The following ANAPC5 variants were observed in gnomAD, a reference collection of about 807,000 sequenced individuals.
ANAPC5 encodes anaphase promoting complex subunit 5.
ANAPC5 carries 60 observed loss-of-function variants against 91.3 expected under a neutral mutation model. That is an observed-to-expected ratio of 0.66 (90% CI 0.53 to 0.81). ANAPC5 has a LOEUF of 0.81. Ranked by LOEUF, ANAPC5 falls within the 40% of genes least tolerant of loss-of-function variation. The pLI, the probability that ANAPC5 is intolerant of heterozygous loss-of-function variation, is 0.00. For missense variants in ANAPC5, 690 were observed against 931.5 expected, an observed-to-expected ratio of 0.74 and a Z score of 3.37; for synonymous variants, 340 against 364.1, an observed-to-expected ratio of 0.93 and a Z score of 0.75.
chr12:121,324,235 C>A (rs891723329), intron 11 of ANAPC5, among the ~76,000 whole-genome samples: 1 of 152,084 alleles, frequency 6.6e-6, no homozygotes, highest in Non-Finnish European at 1.5e-5. Context: ...AAGTATGAGT[C>A]TAACTTGTCT....
Position 121,347,874 on chromosome 12 carries a change from T to A in ANAPC5, c.215A>T (p.Asp72Val). The change falls in exon 2 of 17, where the codon GAT becomes GTT. Residue 72 changes from aspartate to valine, a missense_variant. By Grantham distance (152) the Asp-to-Val change is radical (BLOSUM62 -3). This residue lies in a region of ANAPC5 where 238 missense variants were observed against 264.9 expected (regional missense o/e 0.90). Transcript: ENST00000261819. Reference protein sequence around the residue: ...QLLLPLLQGPDITLSKLYKLI... With the variant: ...QLLLPLLQGPVITLSKLYKLI... ...CTTGTAAAGTTTTGACAGTGTAATA[T>A]CTGGGCCCTGTGTAAAGGAGAGATA... 2 of 1,612,312 alleles carry A rather than the reference T, an allele frequency of 1.2e-6. No homozygotes were observed. Among genetic ancestry groups the A allele is most frequent in the South Asian group, 2.2e-5 (2 of 91,032 alleles).
chr12:121,344,485 G>A (rs1479036077), intron 4 of ANAPC5, among the ~76,000 whole-genome samples: 1 of 151,712 alleles, frequency 6.6e-6, no homozygotes, highest in Non-Finnish European at 1.5e-5. Context: ...TTGGGAGGTG[G>A]AGGCAGGAGA....
intron 15 of ANAPC5, among the ~76,000 whole-genome samples, chr12:121,311,922 G>C (rs192310752): frequency 6.6e-6 from 1 of 152,136 alleles, no homozygotes; most frequent in Non-Finnish European, 1.5e-5. Context: ...TTAGACAGAA[G>C]ATCAGCAAGG....
intron 14 of ANAPC5, 36 bp downstream of exon 14, chr12:121,318,465 A>G: frequency 6.2e-7 from 1 of 1,611,714 alleles, no homozygotes; most frequent in Non-Finnish European, 8.5e-7. Context: ...AAGATCCACC[A>G]CCACATCTCC....
Position 121,335,715 on chromosome 12 carries a change from G to C in ANAPC5, c.768C>G (p.Leu256=). Residue 256 remains leucine (L), a synonymous_variant, in exon 7 of 17, where the codon CTC becomes CTG. Coordinates refer to ENST00000261819, the MANE Select transcript of ANAPC5 (RefSeq NM_016237.5). Reference sequence around the variant, plus strand: ...GGACACGGAGGTTGTTTAAGTAGCTGAGATAATGCTAAAACAAGAAATAAT... The same window carrying C: ...GGACACGGAGGTTGTTTAAGTAGCTCAGATAATGCTAAAACAAGAAATAAT... ...FNPDFAEAHY[L]SYLNNLRVQD... 3.7e-6 allele frequency: 6 copies of C among 1,602,604 alleles called. No homozygotes were observed. Among genetic ancestry groups the C allele is most frequent in the Non-Finnish European group, 5.1e-6 (6 of 1,170,756 alleles).
intron 9 of ANAPC5, among the ~76,000 whole-genome samples, chr12:121,329,663 T>C (rs1231277506): frequency 1.3e-5 from 2 of 151,268 alleles, no homozygotes; most frequent in African/African-American, 2.4e-5. Context: ...TTGCCCAGGC[T>C]GGAGTGCAAT....
intron 16 of ANAPC5, 149 bp from the exon 17 acceptor site, chr12:121,308,840 G>T: frequency 1.4e-6 from 1 of 723,246 alleles, no homozygotes; most frequent in Non-Finnish European, 2.3e-6. Context: ...CAAACCACTA[G>T]GGTGAGGTTT....
intron 9 of ANAPC5, 174 bp from the exon 10 acceptor site, chr12:121,328,671 G>GA: frequency 3.5e-6 from 2 of 575,554 alleles, no homozygotes; most frequent in Admixed American, 6.2e-5. Context: ...ATGTGTTCCT[G>GA]AAAAACTGGG....
chr12:121,314,531 C>T (rs1308160642), intron 15 of ANAPC5, among the ~76,000 whole-genome samples: 8 of 152,088 alleles, frequency 5.3e-5, no homozygotes, highest in Non-Finnish European at 1.2e-4. Context: ...GAGGGAACTT[C>T]CTCAACCTCT....
intron 1 of ANAPC5, among the ~76,000 whole-genome samples, chr12:121,348,595 G>T (rs1421288019): frequency 6.6e-6 from 1 of 152,174 alleles, no homozygotes; most frequent in African/African-American, 2.4e-5. Context: ...AACCTGGCAG[G>T]TGGAGGTTGC....
intron 1 of ANAPC5, among the ~76,000 whole-genome samples, chr12:121,350,110 C>T (rs1419477464): frequency 1.3e-5 from 2 of 152,176 alleles, no homozygotes; most frequent in African/African-American, 4.8e-5. Context: ...GTTATAAAGA[C>T]ATCCCTTTTA....
intron 5 of ANAPC5, among the ~76,000 whole-genome samples, chr12:121,339,262 G>A (rs1354396590): frequency 6.6e-6 from 1 of 151,654 alleles, no homozygotes; most frequent in Non-Finnish European, 1.5e-5. Flanking sequence ...TGTTGGCCAG[G>A]GTGGTCTCAA....
At position 121,309,724 on chromosome 12, in the gene ANAPC5, T is replaced by C. The variant is rs1902080387; in HGVS notation, c.2033A>G (p.Tyr678Cys). Residue 678 changes from tyrosine to cysteine, a missense_variant, in exon 16 of 17, where the codon TAC becomes TGC. Physicochemically the swap from Tyr to Cys is radical, Grantham distance 194. Around this residue, in one of 5 missense-constraint regions of ANAPC5, gnomAD observed 317 missense variants for 438.7 expected, o/e 0.72. Transcript: ENST00000261819. ...ACCTTCTGCTTTCTTCGGCTGATCG[T>C]AGGAAGCTGCTGAAGCCACCTGGCA... is the stretch of plus-strand genomic sequence containing the variant. ...AKCQVASAAS[Y>C]DQPKKAEALE... is the part of the protein sequence containing the mutation. 4 of 1,613,998 alleles carry C rather than the reference T, an allele frequency of 2.5e-6. No individual in the cohort carries two copies. The highest frequency in any genetic ancestry group is 3.4e-6 in the Non-Finnish European group (4 of 1,179,936).
At chr12:121,334,459 T>C (rs1463585091) in intron 7 of ANAPC5, 1 of 152,180 alleles carries the variant, frequency 6.6e-6, no homozygotes, top group Non-Finnish European at 1.5e-5. Flanking sequence ...TCTCAACTGG[T>C]AAAAAGCCAC....
Position 121,342,139 on chromosome 12 carries a change from C to G in ANAPC5, c.591-70G>C. On this transcript the variant is annotated intron_variant, in intron 4 of 16. Coordinates refer to ENST00000261819, the MANE Select transcript of ANAPC5 (RefSeq NM_016237.5). This position sits in a 1 kb window ranked among gnomAD's most constrained non-coding sequence, Gnocchi z 4.1. ...GTAAAAATGATAACATTTATAAAAT[C>G]AGATGGATTCTTGTATCGAAAGAGT... 1 of 1,159,362 alleles carries G rather than the reference C, an allele frequency of 8.6e-7. No homozygotes were observed. Among genetic ancestry groups the G allele is most frequent in the Non-Finnish European group, 1.2e-6 (1 of 812,408 alleles). 71.8% of individuals were successfully genotyped at this position (1,159,362 alleles called of 1,614,324 possible). A position where few individuals can be genotyped will look rare whatever the true frequency, so the allele number is the denominator to read the frequency against.
intron 15 of ANAPC5, among the ~76,000 whole-genome samples, chr12:121,315,750 G>A (rs1902331627): frequency 6.6e-6 from 1 of 152,092 alleles, no homozygotes; most frequent in Non-Finnish European, 1.5e-5. Flanking sequence ...ATATCCGTAT[G>A]CAGAAGAATA....
At chr12:121,344,581 CA>C (rs58016198) in intron 4 of ANAPC5, among the ~76,000 whole-genome samples, 1,924 of 81,734 alleles carry the variant, frequency 0.024, 8 homozygotes, top group East Asian at 0.036. Context: ...GACTTGATCT[CA>C]AAAAAAAAAA....
chr12:121,330,986 T>A, intron 8 of ANAPC5: 1 of 403,322 alleles, frequency 2.5e-6, no homozygotes, highest in Non-Finnish European at 4.5e-6. Context: ...GTCAAGTAGC[T>A]TCTGTGTTCC....
chr12:121,328,380 G>A lies in ANAPC5; in HGVS notation c.1240C>T (p.Leu414=). 6.2e-7 allele frequency: 1 copy of A among 1,613,946 alleles called. No individual in the cohort carries two copies. The highest frequency in any genetic ancestry group is 8.5e-7 in the Non-Finnish European group (1 of 1,179,998). ...ATGCTGATATCGATGAGCTCTGACA[G>A]GCTGTGTTTCCAGTGCAGGAGGTCG... The part of the protein sequence containing the change: ...DSDLLHWKHS[L]SELIDISIAQ... Residue 414 remains leucine, a synonymous_variant, in exon 10 of 17, where the codon CTG becomes TTG. Transcript: ENST00000261819.
Sources: gnomAD v4.1 joint callset for allele counts (sites outside exome capture counted in the v4.1 genomes callset) on GRCh38, gnomAD v4.1.1 for gene constraint, gnomAD v4.1.1 regional missense constraint, Gnocchi (gnomAD v3.1) non-coding constraint, MANE v1.5 for transcripts, NCBI Gene and HGNC (gene_info 2026-07-23, HGNC 2026-07-21) for gene names.